Variants in DISP2 observed in about 807,000 individuals in gnomAD.
The protein encoded by DISP2 is protein dispatched homolog 2.
In DISP2, 59 loss-of-function variants were observed where a neutral mutation model predicts 95.5. That is an observed-to-expected ratio of 0.62 (90% CI 0.50 to 0.77). The LOEUF (loss-of-function observed/expected upper bound fraction) is 0.77. Among genes scored for constraint, DISP2 ranks in the 30% least tolerant of loss-of-function variants. DISP2 has a pLI of 0.00. For missense variants in DISP2, 1,752 were observed against 1,854.6 expected, an observed-to-expected ratio of 0.94 and a Z score of 1.02; for synonymous variants, 827 against 815.0, an observed-to-expected ratio of 1.01 and a Z score of -0.25.
At chr15:40,361,632 T>C (rs1566913797) in intron 1 of DISP2, among the ~76,000 whole-genome samples, 1 of 152,240 alleles carries the variant, frequency 6.6e-6, no homozygotes. Context: ...CATTCTCTCC[T>C]GTACTGCCGG....
rs941450336 is a variant in DISP2 at position 40,358,341 on chromosome 15, G to C, written c.20G>C (p.Ser7Thr). ...ACGGGCATGGACGGTGACAGCAGCAGCAGCAGCGGCGGCAGCGGTCCGGCT... is the reference window on the plus strand; with the variant it reads ...ACGGGCATGGACGGTGACAGCAGCACCAGCAGCGGCGGCAGCGGTCCGGCT... MDGDSS[S>T]SSGGSGPAPG... is the part of the protein sequence containing the mutation. The change falls in exon 1 of 8, where the codon AGC becomes ACC. Residue 7 changes from serine to threonine, a missense_variant. By Grantham distance (58) the Ser-to-Thr change is moderately conservative. Transcript: ENST00000267889. The C allele has an allele frequency of 3.6e-6, 5 of 1,394,518 alleles. No individual in the cohort carries two copies. In the Admixed American group the frequency reaches 1.4e-4, roughly 40 times the overall value. The allele number at this position is 1,394,518 out of a possible 1,614,324, so 86.4% of individuals were successfully genotyped here. A position where few individuals can be genotyped will look rare whatever the true frequency, so the allele number is the denominator to read the frequency against.
At position 40,370,347 on chromosome 15, in the gene DISP2, C is replaced by G. The variant is rs202145751; in HGVS notation, c.*29C>G. The stretch of plus-strand genomic sequence containing the variant: ...GGACCCGGGGAGGCTGGACAGGGCG[C>G]GGAACCCTGTCATGGATGACAAGGC... On this transcript the variant is annotated 3_prime_UTR_variant, in exon 8 of 8. Coordinates refer to ENST00000267889, the MANE Select transcript of DISP2 (RefSeq NM_033510.3). The G allele has an allele frequency of 7.3e-6, 11 of 1,513,018 alleles. No individual in the cohort carries two copies. Among genetic ancestry groups the G allele is most frequent in the Non-Finnish European group, 9.7e-6 (11 of 1,133,062 alleles). The allele number at this position is 1,513,018 out of a possible 1,614,324, so 93.7% of individuals were successfully genotyped here.
Position 40,369,084 on chromosome 15 carries a change from TCTC to T in DISP2, c.2974_2976del (p.Ser992del). ...ACCTGGAATGTTCCCCTCAGCCTAT[TCTC>T]CGTGGCAGCTGTGGCAGGCACCGTG... is the stretch of plus-strand genomic sequence containing the variant. On this transcript the variant is annotated inframe_deletion, in exon 8 of 8. Coordinates refer to ENST00000267889, the MANE Select transcript of DISP2 (RefSeq NM_033510.3). The T allele has an allele frequency of 2.5e-6, 4 of 1,614,088 alleles. No individual in the cohort carries two copies. The highest frequency in any genetic ancestry group is 3.4e-6 in the Non-Finnish European group (4 of 1,180,044).
At position 40,372,293 on chromosome 15, in the gene DISP2, G is replaced by A. The variant is rs765253875; in HGVS notation, c.*1975G>A. 1.3e-5 allele frequency: 2 copies of A among 152,186 alleles called. No homozygotes were observed. Among genetic ancestry groups the A allele is most frequent in the Non-Finnish European group, 2.9e-5 (2 of 68,034 alleles). 9.4% of individuals were successfully genotyped at this position (152,186 alleles called of 1,614,324 possible). On this transcript the variant is annotated 3_prime_UTR_variant, in exon 8 of 8. Coordinates refer to ENST00000267889, the MANE Select transcript of DISP2 (RefSeq NM_033510.3). ...AGGCTATTTTACAGAGGAGTATCAG[G>A]AAAGGGAAGGGATTGTTCTAGGGCC...
chr15:40,375,806 A>C lies in DISP2; in HGVS notation c.*5488A>C, dbSNP rs943039835. ...GGACACAGATAGTTTTAAAGTAATCAGTTTCCAGAGCCGCCTTCTCCATAT... is the reference window on the plus strand; with the variant it reads ...GGACACAGATAGTTTTAAAGTAATCCGTTTCCAGAGCCGCCTTCTCCATAT... On this transcript the variant is annotated 3_prime_UTR_variant, in exon 8 of 8. Transcript: ENST00000267889. The C allele has an allele frequency of 1.3e-5, 2 of 152,280 alleles. No homozygotes were observed. The highest frequency in any genetic ancestry group is 1.3e-4 in the Admixed American group (2 of 15,280). The allele number at this position is 152,280 out of a possible 1,614,324, so 9.4% of individuals were successfully genotyped here.
At position 40,369,723 on chromosome 15, in the gene DISP2, G is replaced by A. The variant is rs776545634; in HGVS notation, c.3611G>A (p.Cys1204Tyr). The change falls in exon 8 of 8, where the codon TGT (cysteine) becomes TAT (tyrosine). Residue 1204 changes from cysteine (C) to tyrosine (Y), a missense_variant. This residue lies in a region of DISP2 where 347 missense variants were observed against 344.2 expected (regional missense o/e 1.01). Coordinates refer to ENST00000267889, the MANE Select transcript of DISP2 (RefSeq NM_033510.3). ...EDLQLHDGPC[C>Y]SRPPPAPASP... is the part of the protein sequence containing the mutation. ...CTGCAGCTCCATGATGGTCCGTGCT[G>A]TTCCCGGCCCCCACCAGCCCCTGCC... 16 of 1,610,610 alleles carry A rather than the reference G, an allele frequency of 9.9e-6. No homozygotes were observed. Among genetic ancestry groups the A allele is most frequent in the Middle Eastern group, 3.3e-4 (2 of 6,080 alleles).
chr15:40,369,624 G>A lies in DISP2; in HGVS notation c.3512G>A (p.Arg1171His), dbSNP rs149742212. The change falls in exon 8 of 8, where the codon CGT becomes CAT. Residue 1171 changes from arginine (R) to histidine (H), a missense_variant. Arg to His is a conservative substitution (Grantham distance 29). Transcript: ENST00000267889. The part of the protein sequence containing the change: ...EQYELQPLAR[R>H]RSPSFDTSTA... ...TATGAGCTACAGCCCCTGGCACGGCGTCGGAGCCCCAGCTTTGACACCAGC... is the reference window on the plus strand; with the variant it reads ...TATGAGCTACAGCCCCTGGCACGGCATCGGAGCCCCAGCTTTGACACCAGC... The A allele has an allele frequency of 6.8e-5, 110 of 1,611,458 alleles. No homozygotes were observed. Among genetic ancestry groups the A allele is most frequent in the African/African-American group, 2.1e-4 (16 of 74,904 alleles).
rs1348431148 is a variant in DISP2 at position 40,376,594 on chromosome 15, T to G, written c.*6276T>G. On this transcript the variant is annotated 3_prime_UTR_variant, in exon 8 of 8. Transcript: ENST00000267889. ...AAGATCATGCCATTGCACTCCAGCC[T>G]GGGTGACAGAGCGAGACTACATCTC... 5 of 152,096 alleles carry G rather than the reference T, an allele frequency of 3.3e-5. No homozygotes were observed. The highest frequency in any genetic ancestry group is 2.6e-4 in the Admixed American group (4 of 15,264). The allele number at this position is 152,096 out of a possible 1,614,324, so 9.4% of individuals were successfully genotyped here. A position where few individuals can be genotyped will look rare whatever the true frequency, so the allele number is the denominator to read the frequency against.
Position 40,367,967 on chromosome 15 carries a change from G to T in DISP2, c.1855G>T (p.Ala619Ser), listed in dbSNP as rs1011905367. Residue 619 changes from alanine (A) to serine (S), a missense_variant, in exon 8 of 8, where the codon GCC (alanine) becomes TCC (serine). This residue lies in a region of DISP2 where 732 missense variants were observed against 714.6 expected (regional missense o/e 1.02). Transcript: ENST00000267889. ...CCGCCTGCCGGCCGTTCGCTGCCTC[G>T]CCCTCTTCATGGGCACGGCTGTGCT... ...LSRLPAVRCL[A>S]LFMGTAVLVH... 1 of 1,568,676 alleles carries T rather than the reference G, an allele frequency of 6.4e-7. No homozygotes were observed. Among genetic ancestry groups the T allele is most frequent in the Admixed American group, 1.8e-5 (1 of 55,616 alleles).
In DISP2 at chr15:40,369,926, A is replaced by G. The variant is rs1889607223; in HGVS notation, c.3814A>G (p.Lys1272Glu). ...ACCAGAAGCCCCAGCCCACTCTCCT[A>G]AGGCCAAGGCTGCAGATCCTCCTGA... ...ASPEAPAHSPKAKAADPPDGF... is the reference protein window; with the variant it reads ...ASPEAPAHSPEAKAADPPDGF... Residue 1272 changes from lysine (K) to glutamate (E), a missense_variant, in exon 8 of 8, where the codon AAG becomes GAG. Around this residue, in one of 5 missense-constraint regions of DISP2, gnomAD observed 347 missense variants for 344.2 expected, o/e 1.01. Coordinates refer to ENST00000267889, the MANE Select transcript of DISP2 (RefSeq NM_033510.3). The G allele has an allele frequency of 1.3e-6, 2 of 1,593,606 alleles. No homozygotes were observed. The highest frequency in any genetic ancestry group is 2.2e-5 in the East Asian group (1 of 44,610).
chr15:40,372,137 C>T lies in DISP2; in HGVS notation c.*1819C>T, dbSNP rs1345934080. Reference sequence around the variant, plus strand: ...ATATAAAACAGGTAAAAGGCAGCTACTCTGGTGGGCGCTGGGTGTTGGGGG... The same window carrying T: ...ATATAAAACAGGTAAAAGGCAGCTATTCTGGTGGGCGCTGGGTGTTGGGGG... On this transcript the variant is annotated 3_prime_UTR_variant, in exon 8 of 8. Coordinates refer to ENST00000267889, the MANE Select transcript of DISP2 (RefSeq NM_033510.3). 2 of 152,196 alleles carry T rather than the reference C, an allele frequency of 1.3e-5. No individual in the cohort carries two copies. The highest frequency in any genetic ancestry group is 4.8e-5 in the African/African-American group (2 of 41,444). The allele number at this position is 152,196 out of a possible 1,614,324, so 9.4% of individuals were successfully genotyped here.
In DISP2 at chr15:40,367,821, AG is replaced by A; in HGVS notation, c.1710del (p.Ser571AlafsTer39). ...LIFFDLWRLS[K>X]SQLPSGGLAQ... ...TTCTTCGACCTGTGGCGCCTTAGCAAGAGCCAGCTGCCGTCGGGGGGGCTGG... is the reference window on the plus strand; with the variant it reads ...TTCTTCGACCTGTGGCGCCTTAGCAAAGCCAGCTGCCGTCGGGGGGGCTGG... On this transcript the variant is annotated frameshift_variant, in exon 8 of 8. Coordinates refer to ENST00000267889, the MANE Select transcript of DISP2 (RefSeq NM_033510.3). LOFTEE classifies it high-confidence loss of function. The A allele has an allele frequency of 1.2e-6, 2 of 1,603,584 alleles. No individual in the cohort carries two copies. Among genetic ancestry groups the A allele is most frequent in the Non-Finnish European group, 1.7e-6 (2 of 1,179,950 alleles).
rs778662647 is a variant in DISP2, at chr15:40,370,121, C to T, written c.4009C>T (p.Arg1337Trp). The change falls in exon 8 of 8, where the codon CGG becomes TGG. Residue 1337 changes from arginine to tryptophan, a missense_variant. Around this residue, in one of 5 missense-constraint regions of DISP2, gnomAD observed 347 missense variants for 344.2 expected, o/e 1.01. Coordinates refer to ENST00000267889, the MANE Select transcript of DISP2 (RefSeq NM_033510.3). ...TGAGCGAGGCCAGCTCAATGGGAAG[C>T]GGGACACCCTGTGGCTGGCGCTGAG... is the stretch of plus-strand genomic sequence containing the variant. ...VLERGQLNGKRDTLWLALRET... is the reference protein window; with the variant it reads ...VLERGQLNGKWDTLWLALRET... The T allele has an allele frequency of 3.7e-6, 6 of 1,606,378 alleles. No individual in the cohort carries two copies. Among genetic ancestry groups the T allele is most frequent in the South Asian group, 1.1e-5 (1 of 89,988 alleles).
Position 40,371,437 on chromosome 15 carries a change from G to T in DISP2, c.*1119G>T, listed in dbSNP as rs1889643734. The T allele has an allele frequency of 6.6e-6, 1 of 152,342 alleles. No homozygotes were observed. Among genetic ancestry groups the T allele is most frequent in the Non-Finnish European group, 1.5e-5 (1 of 68,148 alleles). The allele number at this position is 152,342 out of a possible 1,614,324, so 9.4% of individuals were successfully genotyped here. A position where few individuals can be genotyped will look rare whatever the true frequency, so the allele number is the denominator to read the frequency against. ...GGCTGAGATGTCTGCTGGCCCTGGGGCGTCCTAGCTGACCTGATTCCCAGG... is the reference window on the plus strand; with the variant it reads ...GGCTGAGATGTCTGCTGGCCCTGGGTCGTCCTAGCTGACCTGATTCCCAGG... On this transcript the variant is annotated 3_prime_UTR_variant, in exon 8 of 8. Coordinates refer to ENST00000267889, the MANE Select transcript of DISP2 (RefSeq NM_033510.3).
Position 40,363,907 on chromosome 15 carries a change from T to C in DISP2, c.402T>C (p.Asp134=), listed in dbSNP as rs1196128773. The part of the protein sequence containing the change: ...LSPSPAPSQR[D]GTWKPPAVQH... ...CTTCTCCAGCCCCCTCACAGCGCGA[T>C]GGGACCTGGAAGCCACCCGCTGTGC... Residue 134 remains aspartate, a synonymous_variant, in exon 2 of 8, where the codon GAT becomes GAC. Coordinates refer to ENST00000267889, the MANE Select transcript of DISP2 (RefSeq NM_033510.3). 1 of 1,563,456 alleles carries C rather than the reference T, an allele frequency of 6.4e-7. No homozygotes were observed. The highest frequency in any genetic ancestry group is 1.8e-5 in the Admixed American group (1 of 55,378).
Position 40,367,646 on chromosome 15 carries a change from C to G in DISP2, c.1534C>G (p.Leu512Val). 1 of 1,614,064 alleles carries G rather than the reference C, an allele frequency of 6.2e-7. No homozygotes were observed. Among genetic ancestry groups the G allele is most frequent in the South Asian group, 1.1e-5 (1 of 91,080 alleles). ...GGCCCTGTACCTGCGCTCACTCTTC[C>G]TCACGCTCATGGTGCTGCTGGGGGT... is the stretch of plus-strand genomic sequence containing the variant. ...GMALYLRSLFLTLMVLLGVLG... is the reference protein window; with the variant it reads ...GMALYLRSLFVTLMVLLGVLG... Residue 512 changes from leucine (L) to valine (V), a missense_variant, in exon 8 of 8, where the codon CTC becomes GTC. By Grantham distance (32) the Leu-to-Val change is conservative. This residue lies in a region of DISP2 where 732 missense variants were observed against 714.6 expected (regional missense o/e 1.02). Coordinates refer to ENST00000267889, the MANE Select transcript of DISP2 (RefSeq NM_033510.3).
rs753827235 is a variant in DISP2 at position 40,370,186 on chromosome 15, C to G, written c.4074C>G (p.His1358Gln). The change falls in exon 8 of 8, where the codon CAC becomes CAG. Residue 1358 changes from histidine to glutamine, a missense_variant. Transcript: ENST00000267889. ...VYDPSLPASH[H>Q]SSLSWKGRGG... ...ACCCATCATTGCCCGCTTCCCATCA[C>G]AGCAGCTTGTCCTGGAAGGGCCGAG... 1.9e-6 allele frequency: 3 copies of G among 1,612,208 alleles called. No homozygotes were observed. The highest frequency in any genetic ancestry group is 2.5e-6 in the Non-Finnish European group (3 of 1,179,390).
At position 40,375,159 on chromosome 15, in the gene DISP2, A is replaced by G. The variant is rs968676022; in HGVS notation, c.*4841A>G. ...GGAATATGAGAAACAAAAGAAAGCC[A>G]CTATGTGCTATGTAAATGTCTGGCC... is the stretch of plus-strand genomic sequence containing the variant. On this transcript the variant is annotated 3_prime_UTR_variant, in exon 8 of 8. Coordinates refer to ENST00000267889, the MANE Select transcript of DISP2 (RefSeq NM_033510.3). 7 of 152,242 alleles carry G rather than the reference A, an allele frequency of 4.6e-5. No individual in the cohort carries two copies. Among genetic ancestry groups the G allele is most frequent in the African/African-American group, 1.4e-4 (6 of 41,468 alleles). The allele number at this position is 152,242 out of a possible 1,614,324, so 9.4% of individuals were successfully genotyped here.
At chr15:40,363,131 G>A (rs1282401480) in intron 1 of DISP2, among the ~76,000 whole-genome samples, 4 of 148,436 alleles carry the variant, frequency 2.7e-5, no homozygotes, top group Admixed American at 6.7e-5. Context: ...GTGAAACCCC[G>A]TCTCTACTGA....
Sources: gnomAD v4.1 joint callset for allele counts (sites outside exome capture counted in the v4.1 genomes callset) on GRCh38, gnomAD v4.1.1 for gene constraint, gnomAD v4.1.1 regional missense constraint, MANE v1.5 for transcripts, NCBI Gene and HGNC (gene_info 2026-07-23, HGNC 2026-07-21) for gene names.